Variants in NCOA3 observed in about 807,000 individuals in gnomAD.
NCOA3 encodes the protein nuclear receptor coactivator 3, also known as CBP-interacting protein.
Under a neutral mutation model 158.8 loss-of-function variants are expected in NCOA3, and 51 were observed. The observed-to-expected ratio is 0.32, with a 90% CI of 0.26 to 0.41. The LOEUF (loss-of-function observed/expected upper bound fraction) is 0.41. NCOA3 is among the 10% of genes least tolerant of loss of function. The probability of loss-of-function intolerance (pLI) is 1.00; values close to 1 mark genes in which losing one functional copy is unlikely to be tolerated. For missense variants in NCOA3, 1,510 were observed against 1,746.6 expected (o/e 0.86, Z 2.41); for synonymous variants, 537 against 592.4 (o/e 0.91, Z 1.36).
chr20:47,600,149 T>A (rs1330365685), intron 2 of NCOA3, among the ~76,000 whole-genome samples: 1 of 148,972 alleles, frequency 6.7e-6, no homozygotes, highest in African/African-American at 2.5e-5. Flanking sequence ...TGTGTGTATT[T>A]TATATATTTT....
intron 1 of NCOA3, among the ~76,000 whole-genome samples, chr20:47,581,913 T>G (rs1183364183): frequency 6.6e-6 from 1 of 152,228 alleles, no homozygotes; most frequent in Non-Finnish European, 1.5e-5. Flanking sequence ...CATCTGAGCC[T>G]TTCCTCTGGC....
chr20:47,598,971 C>A (rs2085811362), intron 2 of NCOA3, among the ~76,000 whole-genome samples: 1 of 152,144 alleles, frequency 6.6e-6, no homozygotes, highest in Non-Finnish European at 1.5e-5. Context: ...TACACAAATA[C>A]CATTGTATTA....
At chr20:47,549,932 T>C (rs1204525752) in intron 1 of NCOA3, among the ~76,000 whole-genome samples, 1 of 152,080 alleles carries the variant, frequency 6.6e-6, no homozygotes, top group Non-Finnish European at 1.5e-5. Context: ...CTCAAACTCC[T>C]GAGCTCAAGC....
chr20:47,519,099 G>A (rs1014332009), intron 1 of NCOA3, among the ~76,000 whole-genome samples: 21 of 149,754 alleles, frequency 1.4e-4, no homozygotes, highest in African/African-American at 4.9e-4. Context: ...TTGTGCCACT[G>A]CACTCCACAC....
chr20:47,560,675 T>C (rs775584345), intron 1 of NCOA3, among the ~76,000 whole-genome samples: 1 of 152,234 alleles, frequency 6.6e-6, no homozygotes, highest in African/African-American at 2.4e-5. Flanking sequence ...TATGCTTATT[T>C]GCTATATGTG....
intron 1 of NCOA3, among the ~76,000 whole-genome samples, chr20:47,574,270 ATTAAT>A: frequency 6.6e-6 from 1 of 152,332 alleles, no homozygotes; most frequent in African/African-American, 2.4e-5. Flanking sequence ...GGCACACAAA[ATTAAT>A]TTAATTTTTC....
At chr20:47,601,344 G>T (rs1021228508) in intron 2 of NCOA3, among the ~76,000 whole-genome samples, 1 of 152,164 alleles carries the variant, frequency 6.6e-6, no homozygotes, top group Non-Finnish European at 1.5e-5. Context: ...ATACCACATC[G>T]CGGACCAAGC....
In NCOA3 at chr20:47,553,218, A is replaced by G. The variant is rs551962544; in HGVS notation, c.-98-29965A>G. Among the ~76,000 whole-genome samples, 8 of 152,212 alleles carry G rather than the reference A, an allele frequency of 5.3e-5. No individual in the cohort carries two copies. The South Asian group carries it at 1.5e-3, about 28-fold the overall frequency. The stretch of plus-strand genomic sequence containing the variant: ...CTGAAGTGTTAGGATTACAGGCGTG[A>G]GCCACCGTGCCTGGCCTGAAAATCT... On this transcript the variant is annotated intron_variant, in intron 1 of 22. Transcript: ENST00000371998.
At chr20:47,532,430 A>G (rs2084561954) in intron 1 of NCOA3, among the ~76,000 whole-genome samples, 1 of 152,152 alleles carries the variant, frequency 6.6e-6, no homozygotes, top group Non-Finnish European at 1.5e-5. Context: ...GGCCTTGCAG[A>G]CAGTTGTAAG....
chr20:47,589,729 C>T (rs771000076), intron 2 of NCOA3, among the ~76,000 whole-genome samples: 46 of 151,998 alleles, frequency 3.0e-4, no homozygotes, highest in Non-Finnish European at 5.0e-4. Context: ...AACTAGGAAA[C>T]AAATACAATA....
At chr20:47,551,172 T>C (rs1222722945) in intron 1 of NCOA3, among the ~76,000 whole-genome samples, 1 of 152,198 alleles carries the variant, frequency 6.6e-6, no homozygotes, top group Non-Finnish European at 1.5e-5. Context: ...AAGAGTGATA[T>C]AACACCTTAT....
chr20:47,637,874 A>G, intron 13 of NCOA3, 91 bp downstream of exon 13: 1 of 1,159,340 alleles, frequency 8.6e-7, no homozygotes, highest in Non-Finnish European at 1.2e-6. Flanking sequence ...CAGGATATAA[A>G]TAGCATTTAT....
At chr20:47,520,360 CCCTG>C (rs1350020673) in intron 1 of NCOA3, among the ~76,000 whole-genome samples, 2 of 152,188 alleles carry the variant, frequency 1.3e-5, no homozygotes, top group African/African-American at 2.4e-5. Context: ...GCTGGTCTTT[CCCTG>C]CCTCTGCCAG....
chr20:47,592,325 G>T (rs1044412175), intron 2 of NCOA3, among the ~76,000 whole-genome samples: 12 of 152,154 alleles, frequency 7.9e-5, no homozygotes, highest in African/African-American at 2.9e-4. Context: ...GATTACAGGT[G>T]TGAGCCACCA....
chr20:47,632,785 C>T (rs976924804), intron 8 of NCOA3, among the ~76,000 whole-genome samples: 3 of 151,826 alleles, frequency 2.0e-5, no homozygotes, highest in East Asian at 3.9e-4. Context: ...CAGGTTCCAG[C>T]GATTCTCCTG....
intron 2 of NCOA3, among the ~76,000 whole-genome samples, chr20:47,618,166 C>T (rs960007099): frequency 6.6e-6 from 1 of 151,990 alleles, no homozygotes; most frequent in Non-Finnish European, 1.5e-5. Flanking sequence ...ACCCGGGAGG[C>T]GGAGGTTGCA....
At chr20:47,634,226 AAAATG>A (rs574179529) in intron 10 of NCOA3, 31 bp downstream of exon 10, 60 of 1,590,108 alleles carry the variant, frequency 3.8e-5, no homozygotes, top group Admixed American at 3.5e-4. Flanking sequence ...ATTCTAATAC[AAAATG>A]CAGCAGTGTT....
At chr20:47,508,329 T>G (rs1223616611) in intron 1 of NCOA3, among the ~76,000 whole-genome samples, 24 of 152,214 alleles carry the variant, frequency 1.6e-4, no homozygotes, top group Admixed American at 1.6e-3. Flanking sequence ...GTCATTCTTT[T>G]AAATAGATGT....
At chr20:47,563,624 TG>T (rs1242924028) in intron 1 of NCOA3, among the ~76,000 whole-genome samples, 18 of 152,124 alleles carry the variant, frequency 1.2e-4, no homozygotes, top group African/African-American at 3.9e-4. Flanking sequence ...CAGTAGCTCA[TG>T]CCTGTAATCC....
Sources: allele counts gnomAD v4.1 joint callset (sites outside exome capture counted in the v4.1 genomes callset), GRCh38; gene constraint gnomAD v4.1.1; transcripts MANE v1.5; gene names NCBI Gene and HGNC (gene_info 2026-07-23, HGNC 2026-07-21).